Variants in ALMS1 observed in about 807,000 individuals in gnomAD.
ALMS1 encodes centrosome-associated protein ALMS1.
A neutral mutation model predicts 352.2 loss-of-function variants in ALMS1; 271 were observed. That is an observed-to-expected ratio of 0.77 (90% confidence interval 0.70 to 0.85). The LOEUF (loss-of-function observed/expected upper bound fraction) is 0.85, where lower values mean the gene tolerates loss of function less well. ALMS1 is among the 40% of genes least tolerant of loss of function. The pLI is 0.00. For missense variants in ALMS1, 5,445 were observed against 4,870.7 expected (o/e 1.12, Z -3.51); for synonymous variants, 1,865 against 1,761.2 (o/e 1.06, Z -1.48).
At chr2:73,390,414 A>G (rs964525887) in intron 1 of ALMS1, among the ~76,000 whole-genome samples, 1 of 152,242 alleles carries the variant, frequency 6.6e-6, no homozygotes, top group Non-Finnish European at 1.5e-5. Context: ...AAATTGTGTT[A>G]TTCAATTTAC....
chr2:73,414,978 T>C (rs1572908532), intron 2 of ALMS1, among the ~76,000 whole-genome samples: 3 of 152,254 alleles, frequency 2.0e-5, no homozygotes, highest in East Asian at 3.9e-4. Context: ...CCCATACCCC[T>C]ATACACATTT....
At chr2:73,425,492 A>C (rs1671361740) in intron 5 of ALMS1, among the ~76,000 whole-genome samples, 1 of 152,186 alleles carries the variant, frequency 6.6e-6, no homozygotes, top group Non-Finnish European at 1.5e-5. Flanking sequence ...TGGATGAGAT[A>C]TCAGAACAAC....
intron 9 of ALMS1, among the ~76,000 whole-genome samples, chr2:73,477,410 G>T (rs1047840338): frequency 6.6e-6 from 1 of 151,846 alleles, no homozygotes; most frequent in Non-Finnish European, 1.5e-5. Context: ...TTTTGACATC[G>T]GAAAGAGTGA....
chr2:73,457,128 C>T (rs890125392), intron 9 of ALMS1: 19 of 152,130 alleles, frequency 1.2e-4, no homozygotes, highest in Non-Finnish European at 2.4e-4. Context: ...GCTTTCAAAA[C>T]TTAAAGCTGT....
At chr2:73,569,141 A>G (rs952372232) in intron 15 of ALMS1, among the ~76,000 whole-genome samples, 18 of 149,998 alleles carry the variant, frequency 1.2e-4, no homozygotes, top group Admixed American at 1.2e-3. Context: ...CAGCCACCAC[A>G]GTAGCTGGGA....
intron 10 of ALMS1, among the ~76,000 whole-genome samples, chr2:73,516,681 T>C (rs1381924913): frequency 2.0e-5 from 3 of 152,224 alleles, no homozygotes; most frequent in African/African-American, 7.2e-5. Flanking sequence ...TGGTAAATGT[T>C]GTAAGGGGAA....
chr2:73,391,048 GATGT>G, intron 1 of ALMS1, among the ~76,000 whole-genome samples: 1 of 151,938 alleles, frequency 6.6e-6, no homozygotes, highest in Non-Finnish European at 1.5e-5. Context: ...TGGCATTACA[GATGT>G]GATGAGCCAC....
rs1553400953 is a variant in ALMS1 at position 73,426,460 on chromosome 2, G to C, written c.1245G>C (p.Leu415=). ...KQAETYLTKG[L]QGKVESDVIT... is the part of the protein sequence containing the mutation. ...ATGACTCCTATTTTGTAGAGGGCCT[G>C]CAGGGGAAGGTTGAGTCTGACGTCA... The change falls in exon 6 of 23, where the codon CTG becomes CTC. Residue 415 remains leucine, a synonymous_variant. Transcript: ENST00000613296. The C allele has an allele frequency of 6.2e-7, 1 of 1,614,074 alleles. No individual in the cohort carries two copies.
At position 73,512,435 on chromosome 2, in the gene ALMS1, G is replaced by C. The variant is rs555808590; in HGVS notation, c.9540-7340G>C. On this transcript the variant is annotated intron_variant, in intron 10 of 22. Coordinates refer to ENST00000613296, the MANE Select transcript of ALMS1 (RefSeq NM_001378454.1). ...TAGCCTTCCTGATTGGTATATAGGG[G>C]TTATCTCATTATTGCTTTAATTTGC... 4.6e-5 allele frequency among the ~76,000 whole-genome samples: 7 copies of C among 151,540 alleles called. No homozygotes were observed. In the East Asian group the frequency reaches 1.4e-3, roughly 29 times the overall value.
chr2:73,566,569 T>A (rs565016423), intron 15 of ALMS1, among the ~76,000 whole-genome samples: 1 of 152,316 alleles, frequency 6.6e-6, no homozygotes, highest in South Asian at 2.1e-4. Flanking sequence ...GGACCATGGT[T>A]GACTATGGGT....
At position 73,424,077 on chromosome 2, in the gene ALMS1, C is replaced by T. The variant is rs1291232089; in HGVS notation, c.765-353C>T. ...ATAGGTGTGAGCCACTGTGCCTGGC[C>T]TTGCATGGTTTCAAGAGCACAATAA... On this transcript the variant is annotated intron_variant, in intron 4 of 22. Coordinates refer to ENST00000613296, the MANE Select transcript of ALMS1 (RefSeq NM_001378454.1). 2.0e-5 allele frequency among the ~76,000 whole-genome samples: 3 copies of T among 152,138 alleles called. No individual in the cohort carries two copies. The East Asian group carries it at 5.8e-4, about 29-fold the overall frequency.
intron 14 of ALMS1, among the ~76,000 whole-genome samples, chr2:73,558,599 T>A (rs1674592330): frequency 6.6e-6 from 1 of 152,236 alleles, no homozygotes; most frequent in South Asian, 2.1e-4. Context: ...GTTTCTTAGA[T>A]GCTAAGTTAC....
In ALMS1 at chr2:73,386,097, A is replaced by T. The variant is rs1351632391; in HGVS notation, c.229A>T (p.Lys77Ter). The part of the protein sequence containing the change: ...SIDDEEDEEA[K>*]AWLQAHPGRI... ...AGACGACGAGGAGGACGAGGAGGCC[A>T]AGGCCTGGCTGCAGGCGCACCCCGG... Residue 77 changes from lysine to a stop codon, truncating the protein, a stop_gained, in exon 1 of 23, where the codon AAG becomes TAG. Coordinates refer to ENST00000613296, the MANE Select transcript of ALMS1 (RefSeq NM_001378454.1). LOFTEE classifies it high-confidence loss of function. 3 of 1,594,796 alleles carry T rather than the reference A, an allele frequency of 1.9e-6. No individual in the cohort carries two copies. Among genetic ancestry groups the T allele is most frequent in the East Asian group, 2.3e-5 (1 of 43,752 alleles).
At chr2:73,605,365 A>T (rs1675794358) in intron 21 of ALMS1, among the ~76,000 whole-genome samples, 1 of 152,264 alleles carries the variant, frequency 6.6e-6, no homozygotes, top group Non-Finnish European at 1.5e-5. Context: ...ATTTGTCAAC[A>T]TTTGGAAGAT....
intron 7 of ALMS1, among the ~76,000 whole-genome samples, chr2:73,432,692 A>G (rs1372127146): frequency 6.6e-6 from 1 of 152,000 alleles, no homozygotes; most frequent in Non-Finnish European, 1.5e-5. Context: ...CTCATGATCT[A>G]ATTGCTTTCC....
intron 7 of ALMS1, 98 bp from the exon 8 acceptor site, chr2:73,447,862 T>C: frequency 7.2e-7 from 1 of 1,395,196 alleles, no homozygotes; most frequent in Non-Finnish European, 9.4e-7. Context: ...GATTCATTTC[T>C]AGAAGCTTTT....
intron 12 of ALMS1, among the ~76,000 whole-genome samples, chr2:73,540,763 A>G (rs1674158136): frequency 6.6e-6 from 1 of 152,246 alleles, no homozygotes; most frequent in Non-Finnish European, 1.5e-5. Flanking sequence ...AACAAAGATC[A>G]AAAGAGGCAG....
At chr2:73,526,207 A>G (rs1673787729) in intron 11 of ALMS1, among the ~76,000 whole-genome samples, 2 of 152,092 alleles carry the variant, frequency 1.3e-5, no homozygotes, top group Admixed American at 1.3e-4. Flanking sequence ...GAAGTTAGGT[A>G]TTGTGATTCC....
At chr2:73,493,270 C>T (rs757383213) in intron 10 of ALMS1, among the ~76,000 whole-genome samples, 4 of 151,522 alleles carry the variant, frequency 2.6e-5, no homozygotes, top group African/African-American at 4.9e-5. Context: ...TGCCCAAGAT[C>T]ACATGGCCAT....
Sources: allele counts gnomAD v4.1 joint callset (sites outside exome capture counted in the v4.1 genomes callset), GRCh38; gene constraint gnomAD v4.1.1; transcripts MANE v1.5; gene names NCBI Gene and HGNC (gene_info 2026-07-23, HGNC 2026-07-21).